Variants in MAGI2 observed in about 807,000 individuals in gnomAD.
MAGI2 encodes membrane-associated guanylate kinase, WW and PDZ domain-containing protein 2.
Under a neutral mutation model 133.3 loss-of-function variants are expected in MAGI2, and 35 were observed. The ratio of observed to expected loss-of-function variants is 0.26; its 90% CI spans 0.20 to 0.35. The LOEUF (loss-of-function observed/expected upper bound fraction) is 0.35. MAGI2 is among the 10% of genes least tolerant of loss of function. The probability of loss-of-function intolerance (pLI) is 1.00; values close to 1 mark genes in which losing one functional copy is unlikely to be tolerated. For missense variants in MAGI2, 1,636 were observed against 1,863.4 expected (o/e 0.88, Z 2.25); for synonymous variants, 729 against 710.6 (o/e 1.03, Z -0.41).
intron 20 of MAGI2, among the ~76,000 whole-genome samples, chr7:78,113,323 G>A (rs925774036): frequency 6.6e-6 from 1 of 152,102 alleles, no homozygotes; most frequent in Non-Finnish European, 1.5e-5. Context: ...GCTGAGGGGA[G>A]GAAAATACAA....
intron 2 of MAGI2, among the ~76,000 whole-genome samples, chr7:78,957,282 A>G (rs1445596635): frequency 5.3e-5 from 8 of 150,294 alleles, no homozygotes; most frequent in African/African-American, 1.7e-4. Context: ...AAAAAAAAAA[A>G]AAAGAAAAGA....
At chr7:79,160,449 A>T (rs953127984) in intron 1 of MAGI2, among the ~76,000 whole-genome samples, 4 of 152,052 alleles carry the variant, frequency 2.6e-5, no homozygotes, top group African/African-American at 9.7e-5. Context: ...GTATAATATA[A>T]AGGAATTGTT....
intron 20 of MAGI2, among the ~76,000 whole-genome samples, chr7:78,115,500 G>A (rs758264507): frequency 7.9e-5 from 12 of 152,218 alleles, no homozygotes; most frequent in Admixed American, 1.3e-4. Context: ...ACGGTTAAAA[G>A]CAAAAGGATA....
At chr7:78,890,240 A>AC (rs1326358848) in intron 2 of MAGI2, among the ~76,000 whole-genome samples, 2 of 152,186 alleles carry the variant, frequency 1.3e-5, no homozygotes, top group Non-Finnish European at 2.9e-5. Context: ...GTCCTTAGAG[A>AC]CCTACAAAGA....
chr7:79,387,218 G>T (rs1283604774), intron 1 of MAGI2, among the ~76,000 whole-genome samples: 1 of 151,496 alleles, frequency 6.6e-6, no homozygotes, highest in Non-Finnish European at 1.5e-5. Context: ...GAATTGGCAA[G>T]GAATTCTCTC....
intron 2 of MAGI2, among the ~76,000 whole-genome samples, chr7:78,786,309 A>AT (rs1164438581): frequency 6.6e-6 from 1 of 152,176 alleles, no homozygotes; most frequent in African/African-American, 2.4e-5. Flanking sequence ...AATATGGATT[A>AT]TAGCAGTACC....
chr7:78,473,787 C>T (rs1304242690), intron 6 of MAGI2, among the ~76,000 whole-genome samples: 2 of 152,026 alleles, frequency 1.3e-5, no homozygotes, highest in East Asian at 1.9e-4. Flanking sequence ...CAGCCTTCCT[C>T]ATTCCAAATA....
intron 2 of MAGI2, among the ~76,000 whole-genome samples, chr7:78,814,267 A>T (rs1789359282): frequency 6.6e-6 from 1 of 152,238 alleles, no homozygotes; most frequent in Admixed American, 6.5e-5. Flanking sequence ...ATGACTTGTG[A>T]TTCATCAACA....
chr7:79,235,614 C>A (rs539225724), intron 1 of MAGI2, among the ~76,000 whole-genome samples: 3 of 152,214 alleles, frequency 2.0e-5, no homozygotes, highest in Non-Finnish European at 4.4e-5. Context: ...CGACCCCTTG[C>A]GCTTCCCAAG....
intron 3 of MAGI2, among the ~76,000 whole-genome samples, chr7:78,527,029 A>AAAAAAAAAAAAAAAAAAAAAAG (rs1563125198): frequency 1.6e-5 from 2 of 124,832 alleles, no homozygotes; most frequent in African/African-American, 2.9e-5. Flanking sequence ...AAAAAAAAAA[A>AAAAAAAAAAAAAAAAAAAAAAG]AAAAAGAAAA....
chr7:78,357,342 G>A (rs982394793), intron 7 of MAGI2, among the ~76,000 whole-genome samples: 4 of 152,038 alleles, frequency 2.6e-5, no homozygotes, highest in South Asian at 4.2e-4. Flanking sequence ...GCTTAATAAT[G>A]GTAGCTATTA....
chr7:78,365,921 T>C (rs1330222310), intron 7 of MAGI2, among the ~76,000 whole-genome samples: 1 of 152,254 alleles, frequency 6.6e-6, no homozygotes, highest in African/African-American at 2.4e-5. Context: ...TTCAATCTGA[T>C]GTCACAGAGC....
intron 6 of MAGI2, among the ~76,000 whole-genome samples, chr7:78,417,173 G>C (rs915085277): frequency 6.6e-6 from 1 of 151,982 alleles, no homozygotes; most frequent in Non-Finnish European, 1.5e-5. Context: ...TGAAGATTTT[G>C]CTATCTATCA....
At chr7:79,133,916 A>G (rs1282065876) in intron 1 of MAGI2, among the ~76,000 whole-genome samples, 1 of 152,190 alleles carries the variant, frequency 6.6e-6, no homozygotes, top group Non-Finnish European at 1.5e-5. Context: ...AGTGTCTATC[A>G]CTTTTCAAAA....
At position 78,893,813 on chromosome 7, in the gene MAGI2, G is replaced by A. The variant is rs568147500; in HGVS notation, c.418+113277C>T. On this transcript the variant is annotated intron_variant, in intron 2 of 21. Coordinates refer to ENST00000354212, the MANE Select transcript of MAGI2 (RefSeq NM_012301.4). Reference sequence around the variant, plus strand: ...AATGGGTGCAGCACACCAACATGGCGCATATATACATATGTAACAAACCTG... The same window carrying A: ...AATGGGTGCAGCACACCAACATGGCACATATATACATATGTAACAAACCTG... 6.6e-5 allele frequency among the ~76,000 whole-genome samples: 10 copies of A among 152,088 alleles called. No homozygotes were observed. In the South Asian group the frequency reaches 8.3e-4, roughly 13 times the overall value.
intron 20 of MAGI2, among the ~76,000 whole-genome samples, chr7:78,085,905 C>G (rs758824305): frequency 1.3e-5 from 2 of 148,578 alleles, no homozygotes; most frequent in African/African-American, 2.6e-5. Context: ...GCACAGTATC[C>G]TATGGTGGGA....
intron 6 of MAGI2, among the ~76,000 whole-genome samples, chr7:78,424,954 G>C (rs1222198649): frequency 1.3e-5 from 2 of 152,130 alleles, no homozygotes; most frequent in Non-Finnish European, 2.9e-5. Context: ...AGTTAACGTT[G>C]AGATGAGTTA....
At chr7:78,183,229 G>T (rs993884804) in intron 13 of MAGI2, among the ~76,000 whole-genome samples, 1 of 151,492 alleles carries the variant, frequency 6.6e-6, no homozygotes, top group African/African-American at 2.4e-5. Flanking sequence ...CAAAAAACAT[G>T]GGGCATCTAC....
intron 1 of MAGI2, among the ~76,000 whole-genome samples, chr7:79,097,378 T>C (rs1817605651): frequency 6.6e-6 from 1 of 152,232 alleles, no homozygotes; most frequent in South Asian, 2.1e-4. Flanking sequence ...TGCCATTTTT[T>C]GCTGTTACTG....
Sources: allele counts gnomAD v4.1 joint callset (sites outside exome capture counted in the v4.1 genomes callset), GRCh38; gene constraint gnomAD v4.1.1; transcripts MANE v1.5; gene names NCBI Gene and HGNC (gene_info 2026-07-23, HGNC 2026-07-21).